The following DCC variants were observed in gnomAD, a reference collection of about 807,000 sequenced individuals.
DCC encodes the protein DCC netrin 1 receptor.
Under a neutral mutation model 172.5 loss-of-function variants are expected in DCC, and 58 were observed. The ratio of observed to expected loss-of-function variants is 0.34; its 90% confidence interval spans 0.27 to 0.42. The LOEUF is 0.42. Among genes scored for constraint, DCC ranks in the 10% least tolerant of loss-of-function variants. DCC has a pLI of 1.00. For missense variants in DCC, 1,740 were observed against 1,791.0 expected, an observed-to-expected ratio of 0.97 and a Z score of 0.51; for synonymous variants, 709 against 644.5, an observed-to-expected ratio of 1.10 and a Z score of -1.52.
intron 1 of DCC, among the ~76,000 whole-genome samples, chr18:52,654,297 C>T (rs1350966983): frequency 2.0e-5 from 3 of 152,124 alleles, no homozygotes; most frequent in Admixed American, 1.3e-4. Flanking sequence ...AAGTGCTTAG[C>T]TTAGTGATCG....
At chr18:52,756,876 C>A (rs1362199394) in intron 2 of DCC, 2 of 152,076 alleles carry the variant, frequency 1.3e-5, no homozygotes, top group Admixed American at 1.3e-4. Flanking sequence ...ATAGAACTAA[C>A]AATTATTATT....
chr18:52,875,560 A>G (rs2039391005), intron 2 of DCC, among the ~76,000 whole-genome samples: 1 of 152,178 alleles, frequency 6.6e-6, no homozygotes, highest in South Asian at 2.1e-4. Flanking sequence ...TACAAACTAA[A>G]CTTGCAGTCA....
At chr18:52,974,673 A>G (rs2041087831) in intron 5 of DCC, among the ~76,000 whole-genome samples, 1 of 152,202 alleles carries the variant, frequency 6.6e-6, no homozygotes, top group Non-Finnish European at 1.5e-5. Context: ...ATGATCCAGT[A>G]TGTTACCCTG....
At chr18:52,794,904 C>A (rs1219194147) in intron 2 of DCC, among the ~76,000 whole-genome samples, 2 of 151,896 alleles carry the variant, frequency 1.3e-5, no homozygotes, top group African/African-American at 4.8e-5. Flanking sequence ...TTTTGTCCCT[C>A]TTCTATTGAT....
At chr18:52,500,758 G>T (rs1331209705) in intron 1 of DCC, among the ~76,000 whole-genome samples, 2 of 151,920 alleles carry the variant, frequency 1.3e-5, no homozygotes, top group Admixed American at 6.6e-5. Flanking sequence ...AATGATTTTT[G>T]ATTTTTTTTT....
At chr18:52,399,119 G>A (rs975608015) in intron 1 of DCC, among the ~76,000 whole-genome samples, 6 of 151,752 alleles carry the variant, frequency 4.0e-5, no homozygotes, top group African/African-American at 1.5e-4. Context: ...CTGAGATAAG[G>A]CTCTTGACAA....
chr18:53,302,651 T>C (rs569160041), intron 12 of DCC, among the ~76,000 whole-genome samples: 1 of 152,324 alleles, frequency 6.6e-6, no homozygotes, highest in South Asian at 2.1e-4. Flanking sequence ...CATGTATATC[T>C]GAAATATCCC....
chr18:52,792,019 G>T (rs904553658), intron 2 of DCC, among the ~76,000 whole-genome samples: 1 of 152,078 alleles, frequency 6.6e-6, no homozygotes. Context: ...CATAAAGCCT[G>T]GTCTCTAGAA....
intron 5 of DCC, among the ~76,000 whole-genome samples, chr18:53,055,876 A>G (rs1301759510): frequency 6.6e-6 from 1 of 152,266 alleles, no homozygotes; most frequent in South Asian, 2.1e-4. Flanking sequence ...TTAAAGATCA[A>G]GTTAGCCAAA....
At chr18:52,809,315 C>T (rs983377985) in intron 2 of DCC, 1 of 156,704 alleles carries the variant, frequency 6.4e-6, no homozygotes, top group Non-Finnish European at 1.4e-5. Flanking sequence ...GTTCTTAGAG[C>T]TCCCAAGATG....
At chr18:53,412,046 A>G (rs1245281018) in intron 20 of DCC, among the ~76,000 whole-genome samples, 1 of 152,176 alleles carries the variant, frequency 6.6e-6, no homozygotes, top group African/African-American at 2.4e-5. Flanking sequence ...CAGCAGAGTG[A>G]TGAGTTATCA....
At chr18:52,390,799 T>C (rs1362252541) in intron 1 of DCC, among the ~76,000 whole-genome samples, 1 of 152,104 alleles carries the variant, frequency 6.6e-6, no homozygotes, top group African/African-American at 2.4e-5. Flanking sequence ...TATCCATCTT[T>C]TTCCCCAGAT....
At chr18:53,240,951 C>T (rs1252850760) in intron 12 of DCC, among the ~76,000 whole-genome samples, 1 of 152,114 alleles carries the variant, frequency 6.6e-6, no homozygotes, top group Non-Finnish European at 1.5e-5. Flanking sequence ...ATTGTTAGGG[C>T]ACTAGCCTAT....
At chr18:53,265,504 G>C (rs755090569) in intron 12 of DCC, among the ~76,000 whole-genome samples, 2 of 152,146 alleles carry the variant, frequency 1.3e-5, no homozygotes, top group Non-Finnish European at 2.9e-5. Context: ...CTGCTATAGA[G>C]AATAATGTCT....
intron 2 of DCC, among the ~76,000 whole-genome samples, chr18:52,829,934 G>A (rs776290518): frequency 6.6e-6 from 1 of 152,118 alleles, no homozygotes; most frequent in African/African-American, 2.4e-5. Flanking sequence ...AAATATTGTG[G>A]TCAGGGAAGC....
At chr18:53,272,718 T>C (rs1404057920) in intron 12 of DCC, among the ~76,000 whole-genome samples, 1 of 152,170 alleles carries the variant, frequency 6.6e-6, no homozygotes, top group Admixed American at 6.6e-5. Flanking sequence ...TTTCAAAATC[T>C]CATTGTAAGG....
chr18:53,111,129 G>T (rs1431086256), intron 7 of DCC, among the ~76,000 whole-genome samples: 1 of 150,414 alleles, frequency 6.6e-6, no homozygotes, highest in African/African-American at 2.4e-5. Flanking sequence ...AATCATCATT[G>T]TCAGTAAGCT....
chr18:52,593,411 A>G (rs1430172025), intron 1 of DCC, among the ~76,000 whole-genome samples: 1 of 152,204 alleles, frequency 6.6e-6, no homozygotes. Flanking sequence ...TTTGGGTTGA[A>G]GTCTTTTTGT....
chr18:53,385,563 C>A (rs757562476), intron 15 of DCC, among the ~76,000 whole-genome samples: 7 of 152,150 alleles, frequency 4.6e-5, no homozygotes, highest in Non-Finnish European at 1.0e-4. Flanking sequence ...AGAGAGGAGA[C>A]TTTGCAGGTC....
Sources: allele counts gnomAD v4.1 joint callset (sites outside exome capture counted in the v4.1 genomes callset), GRCh38; gene constraint gnomAD v4.1.1; transcripts MANE v1.5; gene names NCBI Gene and HGNC (gene_info 2026-07-23, HGNC 2026-07-21).